Variants in VPS13C observed in about 807,000 individuals in gnomAD.
VPS13C encodes vacuolar protein sorting 13 homolog C.
VPS13C carries 358 observed loss-of-function variants against 456.8 expected under a neutral mutation model. The observed-to-expected ratio is 0.78, with a 90% confidence interval of 0.72 to 0.86. The LOEUF is 0.86. Among genes scored for constraint, VPS13C ranks in the 40% least tolerant of loss-of-function variants. The pLI, the probability that VPS13C is intolerant of heterozygous loss-of-function variation, is 0.00. For synonymous variants in VPS13C, 1,578 were observed against 1,486.7 expected, an observed-to-expected ratio of 1.06 and a Z score of -1.41; for missense variants, 4,818 against 4,385.4, an observed-to-expected ratio of 1.10 and a Z score of -2.79.
chr15:61,936,743 A>G lies in VPS13C; in HGVS notation c.5609T>C (p.Leu1870Pro). The G allele has an allele frequency of 6.2e-7, 1 of 1,607,812 alleles. No homozygotes were observed. Among genetic ancestry groups the G allele is most frequent in the Non-Finnish European group, 8.5e-7 (1 of 1,178,028 alleles). ...TAAAACTGTCAAGTCATCTTCACTG[A>G]GAGCAACCTAGAAACCACCAATAAT... The part of the protein sequence containing the change: ...KGKLKPMQVA[L>P]SEDDLTVLMK... Residue 1870 changes from leucine (L) to proline (P), a missense_variant, in exon 48 of 85, where the codon CTC becomes CCC. Physicochemically the swap from Leu to Pro is moderately conservative, Grantham distance 98 (BLOSUM62 -3). Transcript: ENST00000644861.
At chr15:61,910,523 T>C (rs80310505) in intron 63 of VPS13C, among the ~76,000 whole-genome samples, 1,700 of 152,290 alleles carry the variant, frequency 0.011, 17 homozygotes, top group Non-Finnish European at 0.018. Flanking sequence ...TATTAGTCTA[T>C]ATGTATTTAT....
chr15:61,985,631 C>CT (rs2046025505), intron 18 of VPS13C, among the ~76,000 whole-genome samples: 1 of 152,186 alleles, frequency 6.6e-6, no homozygotes, highest in African/African-American at 2.4e-5. Context: ...AATTCAGCAG[C>CT]TTTTTCTGAA....
intron 1 of VPS13C, among the ~76,000 whole-genome samples, chr15:62,055,973 G>A (rs2048781992): frequency 6.6e-6 from 1 of 152,160 alleles, no homozygotes; most frequent in African/African-American, 2.4e-5. Flanking sequence ...CATGCCAATA[G>A]CACACCTCTT....
intron 15 of VPS13C, among the ~76,000 whole-genome samples, chr15:62,001,609 G>A (rs1489664412): frequency 3.3e-5 from 5 of 152,118 alleles, no homozygotes; most frequent in South Asian, 4.2e-4. Context: ...ATGCTGGTGC[G>A]CTGCACCCAC....
rs1894561129 is a variant in VPS13C, at chr15:61,865,992, G to GAT, written c.10864-2466_10864-2465dup. The GAT allele has an allele frequency of 6.1e-6, 6 of 983,876 alleles. No individual in the cohort carries two copies. The African/African-American group carries it at 1.0e-4, about 17-fold the overall frequency. 60.9% of individuals were successfully genotyped at this position (983,876 alleles called of 1,614,324 possible). ...TGGCCATATTACAAAGGGCTAAAAA[G>GAT]ATATACTTTTATACTCTAATACTCT... On this transcript the variant is annotated intron_variant, in intron 81 of 84. Transcript: ENST00000644861.
At chr15:62,024,600 T>G (rs999790196) in intron 6 of VPS13C, among the ~76,000 whole-genome samples, 1 of 152,092 alleles carries the variant, frequency 6.6e-6, no homozygotes, top group African/African-American at 2.4e-5. Flanking sequence ...TAAAGGTCCT[T>G]CTACCCTGTT....
At chr15:61,877,093 T>C (rs1242838519) in intron 74 of VPS13C, 39 bp from the exon 75 acceptor site, 1 of 1,481,390 alleles carries the variant, frequency 6.8e-7, no homozygotes, top group Non-Finnish European at 9.2e-7. Flanking sequence ...GATACTAATA[T>C]TATATGATAA....
intron 8 of VPS13C, among the ~76,000 whole-genome samples, chr15:62,021,922 T>C (rs906403554): frequency 6.6e-6 from 1 of 151,934 alleles, no homozygotes; most frequent in Non-Finnish European, 1.5e-5. Flanking sequence ...ATCTTTATGA[T>C]AAATTATTAT....
intron 3 of VPS13C, among the ~76,000 whole-genome samples, chr15:62,039,654 G>C (rs1784303526): frequency 6.6e-6 from 1 of 152,080 alleles, no homozygotes; most frequent in Admixed American, 6.6e-5. Flanking sequence ...AAACTACAAT[G>C]ATATACCATC....
chr15:62,046,524 C>T (rs1300192827), intron 1 of VPS13C, among the ~76,000 whole-genome samples: 1 of 152,134 alleles, frequency 6.6e-6, no homozygotes, highest in Non-Finnish European at 1.5e-5. Context: ...ATGCTAGTGC[C>T]TATCTGAAGC....
chr15:61,967,476 GT>G, intron 28 of VPS13C, 29 bp from the exon 29 acceptor site: 1 of 1,521,058 alleles, frequency 6.6e-7, no homozygotes, highest in Non-Finnish European at 8.9e-7. Flanking sequence ...AAAAAAAAGT[GT>G]TTCAAATAAA....
At chr15:62,039,429 A>C (rs2048168992) in intron 3 of VPS13C, among the ~76,000 whole-genome samples, 1 of 152,128 alleles carries the variant, frequency 6.6e-6, no homozygotes, top group Non-Finnish European at 1.5e-5. Flanking sequence ...TACAGTACAC[A>C]GCTCCACAGA....
At chr15:61,900,309 G>A (rs1204266060) in intron 66 of VPS13C, among the ~76,000 whole-genome samples, 1 of 152,200 alleles carries the variant, frequency 6.6e-6, no homozygotes, top group Non-Finnish European at 1.5e-5. Flanking sequence ...ATTAGGAAAA[G>A]AGGAAGTCAA....
intron 66 of VPS13C, among the ~76,000 whole-genome samples, chr15:61,892,289 C>A (rs898201813): frequency 5.9e-5 from 9 of 152,178 alleles, no homozygotes; most frequent in African/African-American, 1.9e-4. Context: ...GTGGGAGGCA[C>A]AGTCCCTAAG....
At chr15:61,916,057 T>C (rs963166991) in intron 60 of VPS13C, 35 bp from the exon 61 acceptor site, 2 of 1,522,292 alleles carry the variant, frequency 1.3e-6, no homozygotes, top group African/African-American at 2.8e-5. Flanking sequence ...AGTAACTTTT[T>C]AAAAACTCTG....
In VPS13C at chr15:61,966,184, G is replaced by C. The variant is rs766336955; in HGVS notation, c.2992-42C>G. 6.4e-6 allele frequency: 9 copies of C among 1,414,824 alleles called. No homozygotes were observed. The Admixed American group carries it at 1.7e-4, about 27-fold the overall frequency. The allele number at this position is 1,414,824 out of a possible 1,614,324, so 87.6% of individuals were successfully genotyped here. ...AAGTTCTAAAGAAGGTACTAGGATC[G>C]AAGTAAATAAATCACTTATTTATTA... On this transcript the variant is annotated intron_variant, in intron 29 of 84. Transcript: ENST00000644861.
At position 61,881,845 on chromosome 15, in the gene VPS13C, C is replaced by A; in HGVS notation, c.9625-17G>T. 1 of 1,570,526 alleles carries A rather than the reference C, an allele frequency of 6.4e-7. No individual in the cohort carries two copies. The highest frequency in any genetic ancestry group is 1.2e-5 in the South Asian group (1 of 83,504). Reference sequence around the variant, plus strand: ...ATTATCAACCTGAAAGAAAAGAAAACGAACTTATCAAGATTTCAAATAATT... The same window carrying A: ...ATTATCAACCTGAAAGAAAAGAAAAAGAACTTATCAAGATTTCAAATAATT... On this transcript the variant is annotated splice_polypyrimidine_tract_variant and intron_variant, in intron 69 of 84. Coordinates refer to ENST00000644861, the MANE Select transcript of VPS13C (RefSeq NM_020821.3).
At position 61,863,537 on chromosome 15, in the gene VPS13C, G is replaced by C. The variant is rs759993431; in HGVS notation, c.10864-9C>G. ...AACTTTTTGATATGATTCTGAAAAG[G>C]AAACCAGGCTCTAGATTTGGGAAGT... On this transcript the variant is annotated splice_polypyrimidine_tract_variant and intron_variant, in intron 81 of 84. Coordinates refer to ENST00000644861, the MANE Select transcript of VPS13C (RefSeq NM_020821.3). 2 of 1,600,942 alleles carry C rather than the reference G, an allele frequency of 1.2e-6. No homozygotes were observed. The highest frequency in any genetic ancestry group is 1.7e-6 in the Non-Finnish European group (2 of 1,168,676).
chr15:62,021,373 T>G (rs914834397), intron 8 of VPS13C, among the ~76,000 whole-genome samples: 1 of 151,930 alleles, frequency 6.6e-6, no homozygotes, highest in Non-Finnish European at 1.5e-5. Context: ...TCAAAATGCT[T>G]CTAGGAAAAT....
Sources: allele counts gnomAD v4.1 joint callset (sites outside exome capture counted in the v4.1 genomes callset), GRCh38; gene constraint gnomAD v4.1.1; transcripts MANE v1.5; gene names NCBI Gene and HGNC (gene_info 2026-07-23, HGNC 2026-07-21).